PIK3R6: variants seen among roughly 807,000 people sequenced by gnomAD.
PIK3R6 encodes phosphoinositide-3-kinase regulatory subunit 6.
PIK3R6 carries 91 observed loss-of-function variants against 84.9 expected under a neutral mutation model. The observed-to-expected ratio is 1.07, with a 90% confidence interval of 0.90 to 1.28. PIK3R6 has a LOEUF of 1.28. Ranked by LOEUF, PIK3R6 falls within the 50% of genes most tolerant of loss-of-function variation. The pLI is 0.00. For synonymous variants in PIK3R6, 416 were observed against 411.4 expected (o/e 1.01, Z -0.13); for missense variants, 996 against 985.1 (o/e 1.01, Z -0.15).
chr17:8,866,047 C>G (rs1002497994), intron 1 of PIK3R6, among the ~76,000 whole-genome samples: 2 of 152,036 alleles, frequency 1.3e-5, no homozygotes, highest in African/African-American at 4.8e-5. Flanking sequence ...GCAGCAGGTT[C>G]TAGTGTGAGG....
rs1026142838 is a variant in PIK3R6 at position 8,823,189 on chromosome 17, G to A, written c.1627-103C>T. 23 of 939,830 alleles carry A rather than the reference G, an allele frequency of 2.4e-5. No individual in the cohort carries two copies. In the Admixed American group the frequency reaches 4.9e-4, roughly 20 times the overall value. The allele number at this position is 939,830 out of a possible 1,614,324, so 58.2% of individuals were successfully genotyped here. A position where few individuals can be genotyped will look rare whatever the true frequency, so the allele number is the denominator to read the frequency against. The stretch of plus-strand genomic sequence containing the variant: ...GCCATGGAGAACCCTTCCACATAAA[G>A]AAGACCTACTTCTTGGATTTGAGGT... On this transcript the variant is annotated intron_variant, in intron 14 of 19. Transcript: ENST00000619866.
intron 18 of PIK3R6, among the ~76,000 whole-genome samples, chr17:8,806,004 G>C (rs1049315420): frequency 5.9e-5 from 9 of 152,174 alleles, no homozygotes; most frequent in South Asian, 4.1e-4. Flanking sequence ...TGTGGTCAGG[G>C]GGGCAGGCAG....
At chr17:8,824,986 C>T (rs145367337) in intron 13 of PIK3R6, among the ~76,000 whole-genome samples, 145 of 152,104 alleles carry the variant, frequency 9.5e-4, no homozygotes, top group East Asian at 3.3e-3. Flanking sequence ...TATTTTTTAC[C>T]GCAGTTTTTA....
In PIK3R6 at chr17:8,828,770, C is replaced by G. The variant is rs1016296285; in HGVS notation, c.1110G>C (p.Gly370=). 2.5e-6 allele frequency: 4 copies of G among 1,591,874 alleles called. No homozygotes were observed. In the Admixed American group the frequency reaches 6.9e-5, roughly 28 times the overall value. Residue 370 remains glycine, a synonymous_variant, in exon 11 of 20, where the codon GGG becomes GGC. Coordinates refer to ENST00000619866, the MANE Select transcript of PIK3R6 (RefSeq NM_001010855.4). ...GGGGCCATGCACGCTTCTTGATGCC[C>G]CCTTTGCGCTGCAGCCCGGCTCGCT... ...EMERAGLQRK[G]GIKKRAWPLD... is the part of the protein sequence containing the mutation.
At chr17:8,860,428 C>A (rs1372394680) in intron 1 of PIK3R6, among the ~76,000 whole-genome samples, 1 of 151,722 alleles carries the variant, frequency 6.6e-6, no homozygotes, top group Non-Finnish European at 1.5e-5. Flanking sequence ...ATCCCGAATC[C>A]ATCCCCATCC....
chr17:8,840,770 T>C (rs1312991104), intron 2 of PIK3R6, among the ~76,000 whole-genome samples: 1 of 150,968 alleles, frequency 6.6e-6, no homozygotes, highest in Non-Finnish European at 1.5e-5. Context: ...TGTGTGTGTG[T>C]GAGACGGAGT....
intron 1 of PIK3R6, among the ~76,000 whole-genome samples, chr17:8,857,375 C>T (rs560297237): frequency 6.6e-6 from 1 of 152,180 alleles, no homozygotes; most frequent in Non-Finnish European, 1.5e-5. Flanking sequence ...GGCTAGAGCC[C>T]AGATCTCAAC....
intron 1 of PIK3R6, among the ~76,000 whole-genome samples, chr17:8,863,528 A>AGT (rs770484640): frequency 2.8e-4 from 42 of 151,044 alleles, no homozygotes; most frequent in African/African-American, 6.6e-4. Flanking sequence ...CCAACCCCCA[A>AGT]GTGTGTGTGT....
In PIK3R6 at chr17:8,828,560, G is replaced by T. The variant is rs1199238243; in HGVS notation, c.1313+7C>A. 1.9e-6 allele frequency: 3 copies of T among 1,611,170 alleles called. No homozygotes were observed. The highest frequency in any genetic ancestry group is 1.7e-6 in the Non-Finnish European group (2 of 1,179,362). On this transcript the variant is annotated splice_region_variant and intron_variant, in intron 11 of 19. Transcript: ENST00000619866. Reference sequence around the variant, plus strand: ...GCCCACCCCCAGCCCCCACGTCGGGGCCCCACCTGAGTCTGTGGTAGGCCT... The same window carrying T: ...GCCCACCCCCAGCCCCCACGTCGGGTCCCCACCTGAGTCTGTGGTAGGCCT...
At chr17:8,841,870 C>T (rs969326572) in intron 2 of PIK3R6, among the ~76,000 whole-genome samples, 3 of 152,120 alleles carry the variant, frequency 2.0e-5, no homozygotes, top group Non-Finnish European at 4.4e-5. Context: ...CTCCAAATCT[C>T]ATATTGAAAT....
chr17:8,855,306 A>G (rs632078), intron 1 of PIK3R6, among the ~76,000 whole-genome samples: 50,599 of 151,296 alleles, frequency 0.33, 9,279 homozygotes, highest in African/African-American at 0.45. Context: ...TGCAAATCAC[A>G]TCTGACAAAG....
At chr17:8,833,541 CTTTTTT>C (rs3884448) in intron 8 of PIK3R6, among the ~76,000 whole-genome samples, 1 of 130,798 alleles carries the variant, frequency 7.6e-6, no homozygotes. Flanking sequence ...GAGAAAGTGA[CTTTTTT>C]TTTTTTTTTT....
intron 9 of PIK3R6, 85 bp from the exon 10 acceptor site, chr17:8,829,877 G>C: frequency 1.8e-6 from 2 of 1,127,200 alleles, no homozygotes; most frequent in Non-Finnish European, 2.5e-6. Context: ...GCTCCTGTGC[G>C]GGGTCTTAGA....
intron 18 of PIK3R6, among the ~76,000 whole-genome samples, chr17:8,807,179 G>A (rs767538302): frequency 4.6e-5 from 7 of 152,190 alleles, no homozygotes; most frequent in Admixed American, 3.9e-4. Flanking sequence ...TCAGCTCAAG[G>A]CAGACCTCTC....
rs376771141 is a variant in PIK3R6, at chr17:8,828,144, G to T, written c.1360C>A (p.Gln454Lys). The T allele has an allele frequency of 6.2e-7, 1 of 1,614,012 alleles. No individual in the cohort carries two copies. Among genetic ancestry groups the T allele is most frequent in the Non-Finnish European group, 8.5e-7 (1 of 1,179,876 alleles). ...KFCLTPRLSLQLYYIPVLAPE... is the reference protein window; with the variant it reads ...KFCLTPRLSLKLYYIPVLAPE... ...GCCAGCACGGGGATGTAGTAGAGCTGCAGGCTGAGTCTGGGAGTGAGGCAG... is the reference window on the plus strand; with the variant it reads ...GCCAGCACGGGGATGTAGTAGAGCTTCAGGCTGAGTCTGGGAGTGAGGCAG... The change falls in exon 12 of 20, where the codon CAG becomes AAG. Residue 454 changes from glutamine (Q) to lysine (K), a missense_variant. Transcript: ENST00000619866.
chr17:8,859,692 C>A (rs1361198265), intron 1 of PIK3R6, among the ~76,000 whole-genome samples: 1 of 152,198 alleles, frequency 6.6e-6, no homozygotes, highest in Admixed American at 6.5e-5. Flanking sequence ...GGACATCCAT[C>A]CTGCCCTTGG....
chr17:8,809,982 A>G (rs2087308524), intron 18 of PIK3R6, among the ~76,000 whole-genome samples: 1 of 152,190 alleles, frequency 6.6e-6, no homozygotes. Context: ...TATGCACCCA[A>G]CACTGGAGCA....
chr17:8,857,735 C>T (rs2089175669), intron 1 of PIK3R6, among the ~76,000 whole-genome samples: 1 of 152,008 alleles, frequency 6.6e-6, no homozygotes, highest in Non-Finnish European at 1.5e-5. Context: ...CCCGTCTCTA[C>T]TAAAAATACA....
At chr17:8,829,042 G>C (rs989074444) in intron 10 of PIK3R6, 52 bp from the exon 11 acceptor site, 127 of 1,460,696 alleles carry the variant, frequency 8.7e-5, no homozygotes, top group Non-Finnish European at 1.1e-4. Context: ...GCAGGGCTAC[G>C]TTTCTGATTT....
Sources: allele counts gnomAD v4.1 joint callset (sites outside exome capture counted in the v4.1 genomes callset), GRCh38; gene constraint gnomAD v4.1.1; transcripts MANE v1.5; gene names NCBI Gene and HGNC (gene_info 2026-07-23, HGNC 2026-07-21).